The following CSMD1 variants were observed in gnomAD, a reference collection of about 807,000 sequenced individuals.
The protein encoded by CSMD1 is CUB and sushi domain-containing protein 1.
CSMD1 carries 213 observed loss-of-function variants against 417.5 expected under a neutral mutation model. The observed-to-expected ratio is 0.51, with a 90% CI of 0.46 to 0.57. CSMD1 has a LOEUF of 0.57. Ranked by LOEUF, CSMD1 falls within the 20% of genes least tolerant of loss-of-function variation. The probability of loss-of-function intolerance (pLI) is 0.00; values close to 1 mark genes in which losing one functional copy is unlikely to be tolerated. For missense variants in CSMD1, 6,923 were observed against 4,529.7 expected (o/e 1.53, Z -15.17); for synonymous variants, 2,862 against 1,736.8 (o/e 1.65, Z -16.11).
intron 54 of CSMD1, among the ~76,000 whole-genome samples, chr8:2,986,560 A>G (rs1805927354): frequency 6.6e-6 from 1 of 152,002 alleles, no homozygotes; most frequent in Admixed American, 6.6e-5. Context: ...GCTGGAGTGC[A>G]ATGGCGCGAT....
chr8:3,415,911 G>A (rs1021664080), intron 12 of CSMD1, among the ~76,000 whole-genome samples: 3 of 152,294 alleles, frequency 2.0e-5, no homozygotes, highest in Middle Eastern at 3.4e-3. Flanking sequence ...AATTGCCAAA[G>A]AAGATTTTGA....
intron 5 of CSMD1, among the ~76,000 whole-genome samples, chr8:3,762,468 T>A (rs1290781507): frequency 6.6e-6 from 1 of 152,234 alleles, no homozygotes; most frequent in Admixed American, 6.5e-5. Context: ...TGACTTGGTA[T>A]AAGGCACATG....
At chr8:2,972,282 G>T (rs1804526100) in intron 57 of CSMD1, among the ~76,000 whole-genome samples, 1 of 152,200 alleles carries the variant, frequency 6.6e-6, no homozygotes, top group Non-Finnish European at 1.5e-5. Context: ...CACATTGATA[G>T]TGTGTATGTG....
intron 1 of CSMD1, among the ~76,000 whole-genome samples, chr8:4,943,781 G>T (rs1350218140): frequency 6.6e-6 from 1 of 152,056 alleles, no homozygotes; most frequent in Admixed American, 6.5e-5. Flanking sequence ...CCTGAAAATT[G>T]CATGTTAGAA....
intron 3 of CSMD1, among the ~76,000 whole-genome samples, chr8:4,400,940 T>C (rs749278867): frequency 3.4e-5 from 4 of 118,186 alleles, no homozygotes; most frequent in Non-Finnish European, 7.2e-5. Context: ...CTTCACAACT[T>C]TATTTTAGAT....
chr8:3,307,468 A>AACTGAT (rs1804964625), intron 25 of CSMD1, among the ~76,000 whole-genome samples: 1 of 152,198 alleles, frequency 6.6e-6, no homozygotes, highest in African/African-American at 2.4e-5. Flanking sequence ...AGCAGAAGCT[A>AACTGAT]ACTGATACAC....
chr8:4,460,142 G>A (rs976592296), intron 2 of CSMD1, among the ~76,000 whole-genome samples: 1 of 152,088 alleles, frequency 6.6e-6, no homozygotes, highest in African/African-American at 2.4e-5. Flanking sequence ...TATTTAAAAT[G>A]AGTGAAATTA....
intron 3 of CSMD1, among the ~76,000 whole-genome samples, chr8:4,396,448 C>A: frequency 6.6e-6 from 1 of 152,100 alleles, no homozygotes; most frequent in East Asian, 1.9e-4. Context: ...GCCTGGTGGG[C>A]TACAGAGTGA....
chr8:4,632,427 G>C (rs1428523867), intron 2 of CSMD1, among the ~76,000 whole-genome samples: 1 of 152,126 alleles, frequency 6.6e-6, no homozygotes, highest in Non-Finnish European at 1.5e-5. Flanking sequence ...CAGCAGAATT[G>C]CTTAAACCGG....
intron 17 of CSMD1, among the ~76,000 whole-genome samples, chr8:3,394,059 A>ATATAT (rs1811541601): frequency 1.7e-5 from 2 of 115,988 alleles, no homozygotes; most frequent in Non-Finnish European, 3.8e-5. Context: ...TATATATAGA[A>ATATAT]AAAAAGAAAA....
intron 2 of CSMD1, among the ~76,000 whole-genome samples, chr8:4,515,310 T>G (rs1307651482): frequency 6.6e-6 from 1 of 152,108 alleles, no homozygotes; most frequent in African/African-American, 2.4e-5. Context: ...CTCAGAGAAA[T>G]AGCACATGTA....
chr8:4,572,188 G>C (rs886388288), intron 2 of CSMD1, among the ~76,000 whole-genome samples: 3 of 152,214 alleles, frequency 2.0e-5, no homozygotes, highest in African/African-American at 7.2e-5. Context: ...TTGCACAATA[G>C]TTGATGCAGT....
chr8:3,299,966 G>A (rs1253679947), intron 25 of CSMD1, among the ~76,000 whole-genome samples: 3 of 152,156 alleles, frequency 2.0e-5, no homozygotes, highest in South Asian at 2.1e-4. Flanking sequence ...CATAGCAAAT[G>A]CAGCTCTAGA....
chr8:3,928,742 C>A (rs1029858128), intron 5 of CSMD1, among the ~76,000 whole-genome samples: 1 of 149,638 alleles, frequency 6.7e-6, no homozygotes, highest in Non-Finnish European at 1.5e-5. Flanking sequence ...ACTTTTGAAC[C>A]CATTCTGAAA....
intron 3 of CSMD1, among the ~76,000 whole-genome samples, chr8:4,088,067 G>A (rs752278965): frequency 6.6e-6 from 1 of 152,146 alleles, no homozygotes; most frequent in Non-Finnish European, 1.5e-5. Flanking sequence ...GACAATCACA[G>A]TAACAATGAC....
At position 3,795,304 on chromosome 8, in the gene CSMD1, ATATC is replaced by A. The variant is rs536247660; in HGVS notation, c.819-41266_819-41263del. ...ATATATATATCATGTACAGATATAT[ATATC>A]TATCATGTACAGATATAGATATCTA... On this transcript the variant is annotated intron_variant, in intron 5 of 69. Transcript: ENST00000635120. Among the ~76,000 whole-genome samples, 65 of 69,688 alleles carry A rather than the reference ATATC, an allele frequency of 9.3e-4. 25 individuals carry two copies. Among genetic ancestry groups the A allele is most frequent in the East Asian group, 3.7e-3 (8 of 2,136 alleles). The allele number at this position is 69,688 out of a possible 152,430, so 45.7% of individuals were successfully genotyped here.
At chr8:3,864,034 T>C (rs1215833658) in intron 5 of CSMD1, among the ~76,000 whole-genome samples, 1 of 152,088 alleles carries the variant, frequency 6.6e-6, no homozygotes, top group African/African-American at 2.4e-5. Context: ...GGTTTGCAAA[T>C]CTTAGTGAAG....
intron 4 of CSMD1, among the ~76,000 whole-genome samples, chr8:4,018,524 C>A (rs1272811469): frequency 6.6e-6 from 1 of 152,160 alleles, no homozygotes; most frequent in Non-Finnish European, 1.5e-5. Context: ...AGCAGCTTCC[C>A]TCTCTCTGGG....
At chr8:4,936,489 C>T (rs1438404333) in intron 1 of CSMD1, among the ~76,000 whole-genome samples, 3 of 152,262 alleles carry the variant, frequency 2.0e-5, no homozygotes, top group Non-Finnish European at 4.4e-5. Context: ...AAACTTTGCC[C>T]ACCTTTTCCA....
Sources: allele counts gnomAD v4.1 joint callset (sites outside exome capture counted in the v4.1 genomes callset), GRCh38; gene constraint gnomAD v4.1.1; transcripts MANE v1.5; gene names NCBI Gene and HGNC (gene_info 2026-07-23, HGNC 2026-07-21).